AMPD2: variants seen among roughly 807,000 people sequenced by gnomAD.
AMPD2 encodes the protein adenosine monophosphate deaminase 2.
A neutral mutation model predicts 91.3 loss-of-function variants in AMPD2; 52 were observed. That is an observed-to-expected ratio of 0.57 (90% CI 0.46 to 0.72). The LOEUF is 0.72. Ranked by LOEUF, AMPD2 falls within the 30% of genes least tolerant of loss-of-function variation. The probability of loss-of-function intolerance (pLI) is 0.00; values close to 1 mark genes in which losing one functional copy is unlikely to be tolerated. For missense variants in AMPD2, 822 were observed against 1,122.3 expected, an observed-to-expected ratio of 0.73 and a Z score of 3.82; for synonymous variants, 455 against 456.4, an observed-to-expected ratio of 1.00 and a Z score of 0.04.
chr1:109,628,363 G>A lies in AMPD2; in HGVS notation c.1276-1G>A. On this transcript the variant is annotated splice_acceptor_variant, in intron 11 of 18. Transcript: ENST00000528667. LOFTEE classifies it high-confidence loss of function. This position sits in a 1 kb window ranked among gnomAD's most constrained non-coding sequence, Gnocchi z 7.1. ...GACCTGAGCCTTCCCATGTCCCCCA[G>A]GACAGGAACACTTTCCATCGCTTTG... 1 of 1,614,074 alleles carries A rather than the reference G, an allele frequency of 6.2e-7. No individual in the cohort carries two copies. The highest frequency in any genetic ancestry group is 8.5e-7 in the Non-Finnish European group (1 of 1,180,026).
chr1:109,621,342 CT>C, intron 2 of AMPD2, 76 bp downstream of exon 2: 1 of 1,518,046 alleles, frequency 6.6e-7, no homozygotes, highest in Non-Finnish European at 9.0e-7. Flanking sequence ...TGCTGGTCCC[CT>C]CAGAGGGGGC....
chr1:109,627,537 C>A lies in AMPD2; in HGVS notation c.950+19C>A. 1.9e-6 allele frequency: 3 copies of A among 1,613,432 alleles called. No homozygotes were observed. Among genetic ancestry groups the A allele is most frequent in the Admixed American group, 1.7e-5 (1 of 60,004 alleles). On this transcript the variant is annotated intron_variant, in intron 9 of 18. Coordinates refer to ENST00000528667, the MANE Select transcript of AMPD2 (RefSeq NM_001368809.2). Reference sequence around the variant, plus strand: ...GCCCCATGTGAGTCCCCTGCCATCCCAGACACTTAGCTCCCCTCCCAGCCC... The same window carrying A: ...GCCCCATGTGAGTCCCCTGCCATCCAAGACACTTAGCTCCCCTCCCAGCCC...
Position 109,625,511 on chromosome 1 carries a change from C to T in AMPD2, c.222+78C>T. ...TGCTCCCCACACCCCTCACCTCAAG[C>T]TGTCCCCTCACCTCACGCTTGGCTG... On this transcript the variant is annotated intron_variant, in intron 3 of 18. Coordinates refer to ENST00000528667, the MANE Select transcript of AMPD2 (RefSeq NM_001368809.2). This position sits in a 1 kb window ranked among gnomAD's most constrained non-coding sequence, Gnocchi z 4.0. 6.2e-7 allele frequency: 1 copy of T among 1,604,904 alleles called. No individual in the cohort carries two copies. Among genetic ancestry groups the T allele is most frequent in the East Asian group, 2.2e-5 (1 of 44,732 alleles).
chr1:109,622,196 A>G (rs1042565784), intron 2 of AMPD2: 12 of 456,086 alleles, frequency 2.6e-5, no homozygotes, highest in Non-Finnish European at 4.0e-5. Context: ...TGACTGGTGC[A>G]AGGTCTCTAC....
In AMPD2 at chr1:109,631,892, C is replaced by T. The variant is rs954544622; in HGVS notation, c.*740C>T. 1 of 153,718 alleles carries T rather than the reference C, an allele frequency of 6.5e-6. No individual in the cohort carries two copies. Among genetic ancestry groups the T allele is most frequent in the Non-Finnish European group, 1.4e-5 (1 of 68,984 alleles). The allele number at this position is 153,718 out of a possible 1,614,324, so 9.5% of individuals were successfully genotyped here. ...AAAGTCCTGGATCTGCCACTCAACC[C>T]CGGGAGTGGTGTTCCCAGTGTGGCT... On this transcript the variant is annotated 3_prime_UTR_variant, in exon 19 of 19. Coordinates refer to ENST00000528667, the MANE Select transcript of AMPD2 (RefSeq NM_001368809.2).
At chr1:109,629,298 C>T (rs1557936903) in intron 14 of AMPD2, 29 bp from the exon 15 acceptor site, 1 of 1,614,056 alleles carries the variant, frequency 6.2e-7, no homozygotes. Flanking sequence ...AGCTGCAGCT[C>T]TGGTTCTGAC....
At chr1:109,621,653 T>C (rs1650288157) in intron 2 of AMPD2, among the ~76,000 whole-genome samples, 1 of 152,214 alleles carries the variant, frequency 6.6e-6, no homozygotes, top group African/African-American at 2.4e-5. Context: ...CCTGTGCCTT[T>C]ACCAGGCAGG....
chr1:109,621,406 GACAGCC>G, intron 2 of AMPD2, 140 bp downstream of exon 2: 1 of 502,758 alleles, frequency 2.0e-6, no homozygotes, highest in Non-Finnish European at 3.7e-6. Context: ...CAGTCCCAGG[GACAGCC>G]GGCTTGGAAG....
At position 109,629,235 on chromosome 1, in the gene AMPD2, C is replaced by T. The variant is rs376490015; in HGVS notation, c.1698C>T (p.His566=). ...CGGAACTGCATCTCTTCTTAGAGCACGTGAGCAGGCAGCGCAGAGCTGGGT... is the reference window on the plus strand; with the variant it reads ...CGGAACTGCATCTCTTCTTAGAGCATGTGAGCAGGCAGCGCAGAGCTGGGT... ...SHPELHLFLE[H]VDGFDSVDDE... is the part of the protein sequence containing the mutation. The change falls in exon 14 of 19, where the codon CAC becomes CAT. Residue 566 remains histidine, a splice_region_variant and synonymous_variant. Transcript: ENST00000528667. The T allele has an allele frequency of 1.7e-5, 28 of 1,614,038 alleles. No homozygotes were observed. The highest frequency in any genetic ancestry group is 1.3e-4 in the African/African-American group (10 of 74,922).
chr1:109,626,363 G>C lies in AMPD2; in HGVS notation c.467G>C (p.Arg156Pro). Reference sequence around the variant, plus strand: ...GAGGGGCAGGGTGACCGGAGCCTGCGGGAGCGTGATGTGCTGGAACGGGAG... The same window carrying C: ...GAGGGGCAGGGTGACCGGAGCCTGCCGGAGCGTGATGTGCTGGAACGGGAG... ...QGEGQGDRSL[R>P]ERDVLEREFQ... is the part of the protein sequence containing the mutation. Residue 156 changes from arginine (R) to proline (P), a missense_variant, in exon 6 of 19, where the codon CGG (arginine) becomes CCG (proline). This residue lies in a region of AMPD2 where 240 missense variants were observed against 270.3 expected (regional missense o/e 0.89). Coordinates refer to ENST00000528667, the MANE Select transcript of AMPD2 (RefSeq NM_001368809.2). 1.2e-6 allele frequency: 2 copies of C among 1,612,520 alleles called. No individual in the cohort carries two copies. The highest frequency in any genetic ancestry group is 2.2e-5 in the South Asian group (2 of 91,012).
In AMPD2 at chr1:109,631,495, C is replaced by T. The variant is rs949212574; in HGVS notation, c.*343C>T. 2 of 394,298 alleles carry T rather than the reference C, an allele frequency of 5.1e-6. No homozygotes were observed. Among genetic ancestry groups the T allele is most frequent in the African/African-American group, 4.1e-5 (2 of 48,884 alleles). The allele number at this position is 394,298 out of a possible 1,614,324, so 24.4% of individuals were successfully genotyped here. On this transcript the variant is annotated 3_prime_UTR_variant, in exon 19 of 19. Transcript: ENST00000528667. ...TGGGGGGCTGGCCCCTCTAGCCTTT[C>T]CGGTCCTTCCTGGGCAAATCTAAGC... is the stretch of plus-strand genomic sequence containing the variant.
At position 109,625,237 on chromosome 1, in the gene AMPD2, G is replaced by T; in HGVS notation, c.92-66G>T. ...TCTCTCGGGAGCTGGCCTAGGCAGG[G>T]CAGGGGCCCAGGGCTTTCAGGGGCT... On this transcript the variant is annotated intron_variant, in intron 2 of 18. Coordinates refer to ENST00000528667, the MANE Select transcript of AMPD2 (RefSeq NM_001368809.2). This position sits in a 1 kb window ranked among gnomAD's most constrained non-coding sequence, Gnocchi z 4.0. 6.3e-7 allele frequency: 1 copy of T among 1,581,960 alleles called. No individual in the cohort carries two copies. The highest frequency in any genetic ancestry group is 8.6e-7 in the Non-Finnish European group (1 of 1,162,480).
rs1650988132 is a variant in AMPD2, at chr1:109,629,236, G to A, written c.1698+1G>A. 1.2e-6 allele frequency: 2 copies of A among 1,614,120 alleles called. No homozygotes were observed. Among genetic ancestry groups the A allele is most frequent in the Non-Finnish European group, 1.7e-6 (2 of 1,180,014 alleles). ...GGAACTGCATCTCTTCTTAGAGCAC[G>A]TGAGCAGGCAGCGCAGAGCTGGGTA... On this transcript the variant is annotated splice_donor_variant, in intron 14 of 18. Transcript: ENST00000528667. LOFTEE classifies it high-confidence loss of function.
Position 109,628,637 on chromosome 1 carries a change from G to A in AMPD2, c.1408-6G>A, listed in dbSNP as rs1417909006. On this transcript the variant is annotated splice_polypyrimidine_tract_variant and splice_region_variant and intron_variant, in intron 12 of 18. Transcript: ENST00000528667. This position sits in a 1 kb window ranked among gnomAD's most constrained non-coding sequence, Gnocchi z 7.1. ...TCATGTCTGACTCAGCTCACCTCAT[G>A]TCTAGGAGGTGATGTCAGACCTGGA... 3 of 1,613,318 alleles carry A rather than the reference G, an allele frequency of 1.9e-6. No homozygotes were observed. Among genetic ancestry groups the A allele is most frequent in the Non-Finnish European group, 2.5e-6 (3 of 1,179,708 alleles).
At chr1:109,626,111 AG>A in intron 4 of AMPD2, 48 bp from the exon 5 acceptor site, 1 of 1,603,910 alleles carries the variant, frequency 6.2e-7, no homozygotes, top group Non-Finnish European at 8.5e-7. Context: ...CCTGGGAGCA[AG>A]GGCCGTCCCT....
Position 109,627,248 on chromosome 1 carries a change from C to T in AMPD2, c.792C>T (p.Asp264=). Residue 264 remains aspartate, a synonymous_variant, in exon 8 of 19, where the codon GAC becomes GAT. Transcript: ENST00000528667. ...GTGAGCCAAGCACCATGCCTGGGGA[C>T]CTGGGCTTGGGTCTGCGCATGGTGC... The part of the protein sequence containing the change: ...EHCEPSTMPG[D]LGLGLRMVRG... 6.2e-7 allele frequency: 1 copy of T among 1,612,030 alleles called. No homozygotes were observed. The highest frequency in any genetic ancestry group is 8.5e-7 in the Non-Finnish European group (1 of 1,178,970).
intron 2 of AMPD2, 159 bp downstream of exon 2, chr1:109,621,425 G>A (rs576947171): frequency 1.4e-6 from 1 of 739,328 alleles, no homozygotes; most frequent in African/African-American, 1.8e-5. Context: ...CTTGGAAGGT[G>A]GGGTGAGGGG....
In AMPD2 at chr1:109,625,797, G is replaced by A. The variant is rs1650624537; in HGVS notation, c.353+5G>A. The A allele has an allele frequency of 1.2e-6, 2 of 1,613,950 alleles. No individual in the cohort carries two copies. The highest frequency in any genetic ancestry group is 1.7e-6 in the Non-Finnish European group (2 of 1,180,008). Reference sequence around the variant, plus strand: ...GCAGATCAGCCAGGATGTCAAGTGAGCCCGGCAGGCAGCTGCTTAGTCTCC... The same window carrying A: ...GCAGATCAGCCAGGATGTCAAGTGAACCCGGCAGGCAGCTGCTTAGTCTCC... On this transcript the variant is annotated splice_donor_5th_base_variant and intron_variant, in intron 4 of 18. Coordinates refer to ENST00000528667, the MANE Select transcript of AMPD2 (RefSeq NM_001368809.2). This position sits in a 1 kb window ranked among gnomAD's most constrained non-coding sequence, Gnocchi z 4.0.
In AMPD2 at chr1:109,624,795, C is replaced by A. The variant is rs1410747324; in HGVS notation, c.92-508C>A. ...CTAGGATGTCAGGCACAGGGCCCTG[C>A]CCCTTTGAGTGGAGAATCTGCTAGT... On this transcript the variant is annotated intron_variant, in intron 2 of 18. Coordinates refer to ENST00000528667, the MANE Select transcript of AMPD2 (RefSeq NM_001368809.2). This position sits in a 1 kb window ranked among gnomAD's most constrained non-coding sequence, Gnocchi z 5.2. Among the ~76,000 whole-genome samples the A allele has an allele frequency of 3.9e-5, 6 of 152,184 alleles. No homozygotes were observed. The highest frequency in any genetic ancestry group is 1.3e-4 in the Admixed American group (2 of 15,284).
Sources: allele counts gnomAD v4.1 joint callset (sites outside exome capture counted in the v4.1 genomes callset), GRCh38; gene constraint gnomAD v4.1.1; regional missense constraint gnomAD v4.1.1; non-coding constraint Gnocchi (gnomAD v3.1); transcripts MANE v1.5; gene names NCBI Gene and HGNC (gene_info 2026-07-23, HGNC 2026-07-21).